Variants in TNRC6A observed in about 807,000 individuals in gnomAD.
TNRC6A encodes the protein trinucleotide repeat containing adaptor 6A.
A neutral mutation model predicts 221.2 loss-of-function variants in TNRC6A; 44 were observed. That is an observed-to-expected ratio of 0.20 (90% CI 0.16 to 0.26). The LOEUF (loss-of-function observed/expected upper bound fraction) is 0.26. TNRC6A is among the 10% of genes least tolerant of loss of function. TNRC6A has a pLI of 1.00. For synonymous variants in TNRC6A, 847 were observed against 838.5 expected, an observed-to-expected ratio of 1.01 and a Z score of -0.18; for missense variants, 2,199 against 2,404.4, an observed-to-expected ratio of 0.91 and a Z score of 1.79.
At chr16:24,731,649 A>G (rs1478356573) in intron 2 of TNRC6A, among the ~76,000 whole-genome samples, 1 of 152,244 alleles carries the variant, frequency 6.6e-6, no homozygotes, top group Non-Finnish European at 1.5e-5. Flanking sequence ...CAGAGCTTAG[A>G]GGTCTGTTTC....
intron 2 of TNRC6A, among the ~76,000 whole-genome samples, chr16:24,643,083 A>ATAT (rs1402020971): frequency 5.6e-4 from 77 of 136,812 alleles, no homozygotes; most frequent in African/African-American, 2.1e-3. Flanking sequence ...TATATATTAT[A>ATAT]TATATATATT....
intron 2 of TNRC6A, among the ~76,000 whole-genome samples, chr16:24,670,010 C>T (rs1240893602): frequency 1.6e-5 from 2 of 124,738 alleles, no homozygotes; most frequent in South Asian, 2.8e-4. Context: ...AGTGCAATGG[C>T]GTGATCTTGG....
intron 4 of TNRC6A, among the ~76,000 whole-genome samples, chr16:24,774,620 G>A (rs1036365712): frequency 1.3e-5 from 2 of 152,074 alleles, no homozygotes; most frequent in Non-Finnish European, 2.9e-5. Context: ...CAACAAACCT[G>A]TATTACAGCA....
chr16:24,612,999 C>A (rs1900134514), intron 1 of TNRC6A, among the ~76,000 whole-genome samples: 1 of 151,058 alleles, frequency 6.6e-6, no homozygotes, highest in African/African-American at 2.4e-5. Flanking sequence ...GTAGTCCCAG[C>A]TACTCCAGAG....
chr16:24,795,949 C>CT lies in TNRC6A; in HGVS notation c.3561+15dup, dbSNP rs766478377. On this transcript the variant is annotated intron_variant, in intron 9 of 24. Transcript: ENST00000395799. ...AAGGAGAAGGGAAAGGGTGTGTAGC[C>CT]TTTTTACTCTTTCTCCTTTGTTTCT... The CT allele has an allele frequency of 7.4e-6, 12 of 1,612,964 alleles. No homozygotes were observed. The highest frequency in any genetic ancestry group is 3.3e-4 in the Middle Eastern group (2 of 6,058).
intron 11 of TNRC6A, among the ~76,000 whole-genome samples, chr16:24,799,563 T>A (rs913576937): frequency 3.9e-5 from 6 of 152,154 alleles, no homozygotes; most frequent in Non-Finnish European, 7.4e-5. Context: ...GACTGAATTA[T>A]AAAACCTAAC....
At position 24,758,285 on chromosome 16, in the gene TNRC6A, ATTTC is replaced by A. The variant is rs1596629345; in HGVS notation, c.142-49_142-46del. ...TATGAACATTTTATCATAACAGTCC[ATTTC>A]TTTCAGTTTCATATTTACATTGTTT... is the stretch of plus-strand genomic sequence containing the variant. On this transcript the variant is annotated intron_variant, in intron 3 of 24. Coordinates refer to ENST00000395799, the MANE Select transcript of TNRC6A (RefSeq NM_014494.4). 1.4e-5 allele frequency: 21 copies of A among 1,528,844 alleles called. No individual in the cohort carries two copies. The South Asian group carries it at 1.7e-4, about 12-fold the overall frequency. The allele number at this position is 1,528,844 out of a possible 1,614,324, so 94.7% of individuals were successfully genotyped here.
intron 4 of TNRC6A, among the ~76,000 whole-genome samples, chr16:24,769,147 T>G (rs1440374289): frequency 6.6e-6 from 1 of 152,110 alleles, no homozygotes; most frequent in African/African-American, 2.4e-5. Flanking sequence ...CAATTGCTAT[T>G]TTTTTTCAAT....
Position 24,729,666 on chromosome 16 carries a change from CCTG to C in TNRC6A, c.-174_-172del. The C allele has an allele frequency of 4.7e-6, 3 of 637,438 alleles. No homozygotes were observed. Among genetic ancestry groups the C allele is most frequent in the Non-Finnish European group, 6.7e-6 (3 of 445,686 alleles). The allele number at this position is 637,438 out of a possible 1,614,324, so 39.5% of individuals were successfully genotyped here. On this transcript the variant is annotated 5_prime_UTR_variant, in exon 1 of 25. Coordinates refer to ENST00000395799, the MANE Select transcript of TNRC6A (RefSeq NM_014494.4). ...TGGGGCATTCACTTCCGGTCTGGGG[CCTG>C]CGGCGGCGGCGGTGTCGGCGGCGGC...
At chr16:24,687,193 G>A (rs1411777404) in intron 2 of TNRC6A, among the ~76,000 whole-genome samples, 1 of 152,130 alleles carries the variant, frequency 6.6e-6, no homozygotes, top group Non-Finnish European at 1.5e-5. Context: ...CCCTACCAGA[G>A]GAGGCAGCAT....
rs1337816017 is a variant in TNRC6A, at chr16:24,823,360, C to G, written c.5514-72C>G. On this transcript the variant is annotated intron_variant, in intron 24 of 24. Coordinates refer to ENST00000395799, the MANE Select transcript of TNRC6A (RefSeq NM_014494.4). This position sits in a 1 kb window ranked among gnomAD's most constrained non-coding sequence, Gnocchi z 4.3. ...GCTTTTCTAGCAGAGACAAGTTGCACCCTCACTTGTGAGTGAATGAAGCCC... is the reference window on the plus strand; with the variant it reads ...GCTTTTCTAGCAGAGACAAGTTGCAGCCTCACTTGTGAGTGAATGAAGCCC... 27 of 1,519,014 alleles carry G rather than the reference C, an allele frequency of 1.8e-5. No homozygotes were observed. Among genetic ancestry groups the G allele is most frequent in the Non-Finnish European group, 2.4e-5 (27 of 1,129,770 alleles). The allele number at this position is 1,519,014 out of a possible 1,614,324, so 94.1% of individuals were successfully genotyped here.
intron 2 of TNRC6A, among the ~76,000 whole-genome samples, chr16:24,750,016 T>C (rs1596609564): frequency 6.6e-6 from 1 of 152,114 alleles, no homozygotes; most frequent in East Asian, 1.9e-4. Flanking sequence ...GGCAGGTACT[T>C]GTAAACCCGG....
chr16:24,731,447 A>G (rs557013863), intron 2 of TNRC6A, among the ~76,000 whole-genome samples: 2 of 152,328 alleles, frequency 1.3e-5, no homozygotes, highest in East Asian at 3.9e-4. Context: ...GATAGGCATC[A>G]TTGGTTTACC....
chr16:24,822,829 C>T, intron 23 of TNRC6A, 45 bp from the exon 24 acceptor site: 1 of 1,610,398 alleles, frequency 6.2e-7, no homozygotes, highest in Non-Finnish European at 8.5e-7. Flanking sequence ...TCCTGGAGGG[C>T]CCGCGGTGAC....
chr16:24,738,964 C>G lies in TNRC6A; in HGVS notation c.53+8664C>G, dbSNP rs573093340. Among the ~76,000 whole-genome samples the G allele has an allele frequency of 2.2e-4, 33 of 152,354 alleles. No individual in the cohort carries two copies. The East Asian group carries it at 4.2e-3, about 20-fold the overall frequency. Reference sequence around the variant, plus strand: ...CCACCTTCCAGGCTCAAGCCATCCTCTCACCACTGCCTCCCAGGTAGCTGG... The same window carrying G: ...CCACCTTCCAGGCTCAAGCCATCCTGTCACCACTGCCTCCCAGGTAGCTGG... On this transcript the variant is annotated intron_variant, in intron 2 of 24. Coordinates refer to ENST00000395799, the MANE Select transcript of TNRC6A (RefSeq NM_014494.4).
chr16:24,698,220 C>A (rs1219513148), intron 2 of TNRC6A, among the ~76,000 whole-genome samples: 1 of 151,932 alleles, frequency 6.6e-6, no homozygotes, highest in Non-Finnish European at 1.5e-5. Context: ...CCCCAGATTC[C>A]AAATCAGAAT....
chr16:24,775,022 G>A (rs562356601), intron 4 of TNRC6A, among the ~76,000 whole-genome samples: 62 of 152,164 alleles, frequency 4.1e-4, no homozygotes, highest in Non-Finnish European at 6.2e-4. Context: ...TCTGTGGGTG[G>A]GGCACACATG....
At chr16:24,697,924 C>A (rs944730601) in intron 2 of TNRC6A, among the ~76,000 whole-genome samples, 1 of 151,136 alleles carries the variant, frequency 6.6e-6, no homozygotes, top group Non-Finnish European at 1.5e-5. Flanking sequence ...CCTGTAATCC[C>A]AGCTATCGGA....
intron 2 of TNRC6A, among the ~76,000 whole-genome samples, chr16:24,715,618 T>TTTTG (rs1182998992): frequency 6.6e-6 from 1 of 150,464 alleles, no homozygotes; most frequent in Admixed American, 6.6e-5. Context: ...TTTTTTTTTT[T>TTTTG]TTTCTTTTTT....
Sources: gnomAD v4.1 joint callset for allele counts (sites outside exome capture counted in the v4.1 genomes callset) on GRCh38, gnomAD v4.1.1 for gene constraint, Gnocchi (gnomAD v3.1) non-coding constraint, MANE v1.5 for transcripts, NCBI Gene and HGNC (gene_info 2026-07-23, HGNC 2026-07-21) for gene names.